ESRRB: variants seen among roughly 807,000 people sequenced by gnomAD.
The protein encoded by ESRRB is estrogen related receptor beta, also known as steroid hormone receptor ERR2.
ESRRB carries 16 observed loss-of-function variants against 46.0 expected under a neutral mutation model. The ratio of observed to expected loss-of-function variants is 0.35; its 90% CI spans 0.24 to 0.53. The LOEUF (loss-of-function observed/expected upper bound fraction) is 0.53. Among genes scored for constraint, ESRRB ranks in the 20% least tolerant of loss-of-function variants. ESRRB has a pLI of 0.93. For missense variants in ESRRB, 488 were observed against 607.4 expected, an observed-to-expected ratio of 0.80 and a Z score of 2.07; for synonymous variants, 246 against 259.6, an observed-to-expected ratio of 0.95 and a Z score of 0.50.
intron 1 of ESRRB, among the ~76,000 whole-genome samples, chr14:76,313,478 C>T (rs924552136): frequency 6.6e-6 from 1 of 152,116 alleles, no homozygotes; most frequent in Non-Finnish European, 1.5e-5. Context: ...GGGTTCCCCC[C>T]ACCGCCCTCG....
chr14:76,482,045 C>T lies in ESRRB; in HGVS notation c.607C>T (p.Arg203Cys). Residue 203 changes from arginine (R) to cysteine (C), a missense_variant, in exon 4 of 7, where the codon CGT (arginine) becomes TGT (cysteine). Arg to Cys is a radical substitution (Grantham distance 180, BLOSUM62 -3). Transcript: ENST00000644823. The surrounding 1 kb of genome is among the most constrained non-coding windows in gnomAD (Gnocchi z 4.3). ...GCGCCTTGATCGAGTGCGTGGAGGC[C>T]GTCAGAAATACAAGCGACGGCTGGA... ...GVRLDRVRGGRQKYKRRLDSE... is the reference protein window; with the variant it reads ...GVRLDRVRGGCQKYKRRLDSE... 6.2e-6 allele frequency: 10 copies of T among 1,614,190 alleles called. No individual in the cohort carries two copies. Among genetic ancestry groups the T allele is most frequent in the South Asian group, 2.2e-5 (2 of 91,088 alleles).
intron 1 of ESRRB, among the ~76,000 whole-genome samples, chr14:76,437,255 C>T (rs113968172): frequency 0.061 from 9,358 of 152,246 alleles, 291 homozygotes; most frequent in South Asian, 0.076. Context: ...TGGTCTTGAA[C>T]TCCTGACCTC....
intron 1 of ESRRB, among the ~76,000 whole-genome samples, chr14:76,362,698 T>A (rs575123116): frequency 1.3e-5 from 2 of 152,322 alleles, no homozygotes; most frequent in Non-Finnish European, 2.9e-5. Flanking sequence ...CTAGAGATGC[T>A]GTTTTCATTT....
chr14:76,400,746 T>C (rs961206360), intron 1 of ESRRB, among the ~76,000 whole-genome samples: 14 of 152,070 alleles, frequency 9.2e-5, no homozygotes, highest in African/African-American at 3.4e-4. Context: ...GGACAGAAAG[T>C]GAAGACACAC....
Position 76,498,328 on chromosome 14 carries a change from A to AGCTGCTGCTGACACTGCC in ESRRB, c.1244_1261dup (p.Leu415_Leu420dup). ...CATGAGGAGCCCTGGAGGACGGGCA[A>AGCTGCTGCTGACACTGCC]GCTGCTGCTGACACTGCCGCTGCTG... On this transcript the variant is annotated inframe_insertion, in exon 7 of 7. Coordinates refer to ENST00000644823, the MANE Select transcript of ESRRB (RefSeq NM_001379180.1). 6.2e-7 allele frequency: 1 copy of AGCTGCTGCTGACACTGCC among 1,610,108 alleles called. No homozygotes were observed. The highest frequency in any genetic ancestry group is 8.5e-7 in the Non-Finnish European group (1 of 1,178,204).
intron 2 of ESRRB, among the ~76,000 whole-genome samples, chr14:76,442,470 C>T (rs555246496): frequency 1.1e-4 from 16 of 150,794 alleles, no homozygotes; most frequent in Non-Finnish European, 1.6e-4. Flanking sequence ...AGCAAGATCC[C>T]GTCTCAAAAA....
chr14:76,475,073 A>T (rs2980889), intron 3 of ESRRB, among the ~76,000 whole-genome samples: 57,745 of 151,694 alleles, frequency 0.38, 11,028 homozygotes, highest in Middle Eastern at 0.49. Context: ...TTGCAAAAAA[A>T]TTTTTAAAAA....
upstream of ESRRB, among the ~76,000 whole-genome samples, chr14:76,366,770 A>C (rs1023883382): frequency 2.6e-5 from 4 of 152,162 alleles, no homozygotes; most frequent in Non-Finnish European, 4.4e-5. Flanking sequence ...TTTAGATGAC[A>C]CCATTAACCT....
chr14:76,354,871 G>A (rs1407386550), intron 1 of ESRRB, among the ~76,000 whole-genome samples: 15 of 151,858 alleles, frequency 9.9e-5, no homozygotes, highest in Non-Finnish European at 1.2e-4. Context: ...CACCACGCCC[G>A]GCTAATTTTT....
chr14:76,351,986 T>TAAAAAAAAAAAAAAAAAA (rs201356393), intron 1 of ESRRB, among the ~76,000 whole-genome samples: 20 of 91,772 alleles, frequency 2.2e-4, no homozygotes, highest in African/African-American at 6.2e-4. Context: ...CCCAGTCTCT[T>TAAAAAAAAAAAAAAAAAA]AAAAAAAAAA....
intron 1 of ESRRB, among the ~76,000 whole-genome samples, chr14:76,319,464 A>G (rs543043236): frequency 6.6e-6 from 1 of 152,258 alleles, no homozygotes; most frequent in South Asian, 2.1e-4. Flanking sequence ...ATTAGGAAGG[A>G]GTATTGTGGT....
chr14:76,480,586 A>G (rs1176631626), intron 3 of ESRRB, among the ~76,000 whole-genome samples: 2 of 152,236 alleles, frequency 1.3e-5, no homozygotes, highest in Admixed American at 1.3e-4. Context: ...AATGGGCTCT[A>G]AATCATCATT....
chr14:76,408,929 G>A (rs1251942138), intron 1 of ESRRB, among the ~76,000 whole-genome samples: 1 of 152,202 alleles, frequency 6.6e-6, no homozygotes, highest in Non-Finnish European at 1.5e-5. Context: ...TAACCTTTGA[G>A]ATAGGGCCTA....
At chr14:76,320,885 C>T (rs12880959) in intron 1 of ESRRB, among the ~76,000 whole-genome samples, 62,376 of 152,018 alleles carry the variant, frequency 0.41, 13,924 homozygotes, top group South Asian at 0.53. Context: ...TCTCTCCATG[C>T]CCATTCTACT....
rs1302888263 is a variant in ESRRB, at chr14:76,469,932, T to TG, written c.577+7271_577+7272insG. Among the ~76,000 whole-genome samples the TG allele has an allele frequency of 1.1e-3, 143 of 134,106 alleles. 1 individual carries two copies. Among genetic ancestry groups the TG allele is most frequent in the African/African-American group, 3.9e-3 (139 of 35,720 alleles). The allele number at this position is 134,106 out of a possible 152,430, so 88.0% of individuals were successfully genotyped here. ...AGACTAGGCTGTGTTTTTTGTTGTT[T>TG]TTTTTTTTTTTCTTTTTTTTTTTTT... is the stretch of plus-strand genomic sequence containing the variant. On this transcript the variant is annotated intron_variant, in intron 3 of 6. Transcript: ENST00000644823.
chr14:76,334,261 C>T (rs1001917289), intron 1 of ESRRB, among the ~76,000 whole-genome samples: 1 of 152,104 alleles, frequency 6.6e-6, no homozygotes. Context: ...TCATGTCCAG[C>T]CTCCAAGATC....
chr14:76,389,496 G>A (rs1043411696), intron 1 of ESRRB, among the ~76,000 whole-genome samples: 2 of 152,238 alleles, frequency 1.3e-5, no homozygotes, highest in Non-Finnish European at 2.9e-5. Context: ...GAGGCAGAAA[G>A]AAGGGCCTGG....
chr14:76,446,852 A>C (rs997528868), intron 2 of ESRRB, among the ~76,000 whole-genome samples: 3 of 152,102 alleles, frequency 2.0e-5, no homozygotes, highest in African/African-American at 7.2e-5. Context: ...CCTCTGAGAG[A>C]TGGAGCCACT....
chr14:76,415,512 T>C (rs2139873847), intron 1 of ESRRB, among the ~76,000 whole-genome samples: 1 of 152,010 alleles, frequency 6.6e-6, no homozygotes, highest in Non-Finnish European at 1.5e-5. Context: ...ATACAAAAAT[T>C]AGCCAGGCGT....
Sources: allele counts gnomAD v4.1 joint callset (sites outside exome capture counted in the v4.1 genomes callset), GRCh38; gene constraint gnomAD v4.1.1; non-coding constraint Gnocchi (gnomAD v3.1); transcripts MANE v1.5; gene names NCBI Gene and HGNC (gene_info 2026-07-23, HGNC 2026-07-21).